The following RRP1B variants were observed in gnomAD, a reference collection of about 807,000 sequenced individuals.
RRP1B encodes ribosomal RNA processing 1B.
In RRP1B, 56 loss-of-function variants were observed where a neutral mutation model predicts 80.2. That is an observed-to-expected ratio of 0.70 (90% CI 0.56 to 0.87). The LOEUF (loss-of-function observed/expected upper bound fraction) is 0.87, where lower values mean the gene tolerates loss of function less well. Among genes scored for constraint, RRP1B ranks in the 40% least tolerant of loss-of-function variants. The pLI is 0.00. For synonymous variants in RRP1B, 351 were observed against 357.6 expected (o/e 0.98, Z 0.21); for missense variants, 807 against 939.8 (o/e 0.86, Z 1.85).
In RRP1B at chr21:43,693,336, C is replaced by T; in HGVS notation, c.2230C>T (p.Leu744=). Residue 744 remains leucine, a synonymous_variant, in exon 16 of 16, where the codon CTG becomes TTG. Coordinates refer to ENST00000340648, the MANE Select transcript of RRP1B (RefSeq NM_015056.3). This position sits in a 1 kb window ranked among gnomAD's most constrained non-coding sequence, Gnocchi z 4.1. ...ASSPLVAKKP[L]TTTPRRRPRA... is the part of the protein sequence containing the mutation. ...CTCACCCCTGGTGGCCAAGAAGCCC[C>T]TGACCACCACACCAAGGAGAAGGCC... 3 of 1,608,996 alleles carry T rather than the reference C, an allele frequency of 1.9e-6. No homozygotes were observed. Among genetic ancestry groups the T allele is most frequent in the Non-Finnish European group, 2.5e-6 (3 of 1,177,488 alleles).
rs746579314 is a variant in RRP1B, at chr21:43,676,714, G to A, written c.615-19G>A. On this transcript the variant is annotated intron_variant, in intron 7 of 15. Transcript: ENST00000340648. ...CGTTTGTTCTCATCACATGCTCTCCGCTGTGCTTCTACCCTCAGCCACACC... is the reference window on the plus strand; with the variant it reads ...CGTTTGTTCTCATCACATGCTCTCCACTGTGCTTCTACCCTCAGCCACACC... 9.3e-6 allele frequency: 15 copies of A among 1,609,652 alleles called. No homozygotes were observed. The highest frequency in any genetic ancestry group is 1.8e-4 in the Middle Eastern group (1 of 5,430).
At position 43,693,107 on chromosome 21, in the gene RRP1B, A is replaced by C. The variant is rs1282083690; in HGVS notation, c.2084-83A>C. 3 of 1,462,036 alleles carry C rather than the reference A, an allele frequency of 2.1e-6. No individual in the cohort carries two copies. In the African/African-American group the frequency reaches 4.2e-5, roughly 21 times the overall value. The allele number at this position is 1,462,036 out of a possible 1,614,324, so 90.6% of individuals were successfully genotyped here. On this transcript the variant is annotated intron_variant, in intron 15 of 15. Coordinates refer to ENST00000340648, the MANE Select transcript of RRP1B (RefSeq NM_015056.3). This position sits in a 1 kb window ranked among gnomAD's most constrained non-coding sequence, Gnocchi z 4.1. The stretch of plus-strand genomic sequence containing the variant: ...GTCCTAGCAAGTGGGTGGGGTCGGC[A>C]CCCAGGCAGGACGCTGTCTAAGGTG...
intron 3 of RRP1B, 131 bp downstream of exon 3, chr21:43,672,496 G>C (rs573562193): frequency 2.6e-6 from 2 of 765,546 alleles, no homozygotes; most frequent in South Asian, 3.3e-5. Flanking sequence ...GATAAACTTA[G>C]TCATTGACTT....
intron 4 of RRP1B, among the ~76,000 whole-genome samples, chr21:43,674,263 T>C (rs1267545729): frequency 6.6e-6 from 1 of 152,186 alleles, no homozygotes; most frequent in African/African-American, 2.4e-5. Context: ...TTCAAGTGAT[T>C]CTCATGCCTC....
Position 43,688,074 on chromosome 21 carries a change from G to C in RRP1B, c.1700G>C (p.Arg567Pro). Residue 567 changes from arginine to proline, a missense_variant, in exon 13 of 16, where the codon CGC becomes CCC. By Grantham distance (103) the Arg-to-Pro change is moderately radical. Transcript: ENST00000340648. ...GANSHTTLPQRRRLQKKKAGP... is the reference protein window; with the variant it reads ...GANSHTTLPQPRRLQKKKAGP... ...AACAGCCACACCACGCTGCCCCAGC[G>C]CAGGAGGCTGCAGAAAAAGAAGGCA... 6.2e-7 allele frequency: 1 copy of C among 1,611,450 alleles called. No homozygotes were observed. Among genetic ancestry groups the C allele is most frequent in the Non-Finnish European group, 8.5e-7 (1 of 1,179,232 alleles).
At position 43,669,361 on chromosome 21, in the gene RRP1B, C is replaced by T. The variant is rs548506984; in HGVS notation, c.131-523C>T. On this transcript the variant is annotated intron_variant, in intron 1 of 15. Coordinates refer to ENST00000340648, the MANE Select transcript of RRP1B (RefSeq NM_015056.3). ...CCAAAGCAGCGTCAGTGTCCCCAGGCCCTTTCCTAGGCCTTTGACTTTCAG... is the reference window on the plus strand; with the variant it reads ...CCAAAGCAGCGTCAGTGTCCCCAGGTCCTTTCCTAGGCCTTTGACTTTCAG... Among the ~76,000 whole-genome samples, 7 of 152,296 alleles carry T rather than the reference C, an allele frequency of 4.6e-5. No individual in the cohort carries two copies. The East Asian group carries it at 1.3e-3, about 29-fold the overall frequency.
At chr21:43,667,778 G>C (rs2082984193) in intron 1 of RRP1B, among the ~76,000 whole-genome samples, 1 of 152,182 alleles carries the variant, frequency 6.6e-6, no homozygotes, top group Non-Finnish European at 1.5e-5. Context: ...CCCCAGGCAT[G>C]ACTTGTTCAT....
Position 43,691,334 on chromosome 21 carries a change from G to A in RRP1B, c.2020-105G>A. 4 of 1,000,442 alleles carry A rather than the reference G, an allele frequency of 4.0e-6. No homozygotes were observed. In the South Asian group the frequency reaches 5.4e-5, roughly 14 times the overall value. The allele number at this position is 1,000,442 out of a possible 1,614,324, so 62.0% of individuals were successfully genotyped here. On this transcript the variant is annotated intron_variant, in intron 14 of 15. Transcript: ENST00000340648. The surrounding 1 kb of genome is among the most constrained non-coding windows in gnomAD (Gnocchi z 4.2). Reference sequence around the variant, plus strand: ...TATATGTGCCACTCAGTAAGCAGCAGTGTGGGCGGCATACCCTCCAGGGCA... The same window carrying A: ...TATATGTGCCACTCAGTAAGCAGCAATGTGGGCGGCATACCCTCCAGGGCA...
At chr21:43,690,033 T>C (rs2083080095) in intron 13 of RRP1B, among the ~76,000 whole-genome samples, 1 of 152,268 alleles carries the variant, frequency 6.6e-6, no homozygotes, top group South Asian at 2.1e-4. Flanking sequence ...AAGATGAAGA[T>C]AAAAGTGGGT....
intron 5 of RRP1B, 97 bp from the exon 6 acceptor site, chr21:43,674,937 G>A: frequency 1.4e-6 from 2 of 1,471,844 alleles, no homozygotes; most frequent in East Asian, 2.3e-5. Flanking sequence ...TGATTGTTAG[G>A]CTGTGTAGGT....
Position 43,693,114 on chromosome 21 carries a change from C to T in RRP1B, c.2084-76C>T, listed in dbSNP as rs1018688927. 6.0e-6 allele frequency: 9 copies of T among 1,504,016 alleles called. No individual in the cohort carries two copies. The African/African-American group carries it at 9.7e-5, about 16-fold the overall frequency. The allele number at this position is 1,504,016 out of a possible 1,614,324, so 93.2% of individuals were successfully genotyped here. On this transcript the variant is annotated intron_variant, in intron 15 of 15. Transcript: ENST00000340648. This position sits in a 1 kb window ranked among gnomAD's most constrained non-coding sequence, Gnocchi z 4.1. ...CAAGTGGGTGGGGTCGGCACCCAGGCAGGACGCTGTCTAAGGTGTTGAAGG... is the reference window on the plus strand; with the variant it reads ...CAAGTGGGTGGGGTCGGCACCCAGGTAGGACGCTGTCTAAGGTGTTGAAGG...
rs1403840896 is a variant in RRP1B at position 43,675,120 on chromosome 21, T to C, written c.506T>C (p.Ile169Thr). The C allele has an allele frequency of 1.2e-6, 2 of 1,614,112 alleles. No homozygotes were observed. The highest frequency in any genetic ancestry group is 1.7e-5 in the Admixed American group (1 of 60,020). ...QSPNGVRFHF[I>T]DIYLDELSKV... ...CCTAATGGAGTGAGATTCCACTTCA[T>C]TGATATTTACCTGGATGAACTCTCC... Residue 169 changes from isoleucine (I) to threonine (T), a missense_variant, in exon 6 of 16, where the codon ATT becomes ACT. Coordinates refer to ENST00000340648, the MANE Select transcript of RRP1B (RefSeq NM_015056.3).
At position 43,688,290 on chromosome 21, in the gene RRP1B, C is replaced by T. The variant is rs755294891; in HGVS notation, c.1866+50C>T. The T allele has an allele frequency of 1.8e-5, 27 of 1,475,472 alleles. No individual in the cohort carries two copies. The South Asian group carries it at 3.2e-4, about 17-fold the overall frequency. 91.4% of individuals were successfully genotyped at this position (1,475,472 alleles called of 1,614,324 possible). A position where few individuals can be genotyped will look rare whatever the true frequency, so the allele number is the denominator to read the frequency against. On this transcript the variant is annotated intron_variant, in intron 13 of 15. Transcript: ENST00000340648. Reference sequence around the variant, plus strand: ...AGCTCGCCACAGAGGCACTCACTCGCGTCCATGGGGCTCCACTGCCTCCTG... The same window carrying T: ...AGCTCGCCACAGAGGCACTCACTCGTGTCCATGGGGCTCCACTGCCTCCTG...
chr21:43,659,782 CAG>C lies in RRP1B; in HGVS notation c.121_122del (p.Arg41GlyfsTer26). 1 of 1,510,096 alleles carries C rather than the reference CAG, an allele frequency of 6.6e-7. No individual in the cohort carries two copies. 93.5% of individuals were successfully genotyped at this position (1,510,096 alleles called of 1,614,324 possible). ...GCGCCAGTACATCAGCGTGAAGACGCAGAGGGAGACAGGTGGGCGCACGGCCG... is the reference window on the plus strand; with the variant it reads ...GCGCCAGTACATCAGCGTGAAGACGCAGGGAGACAGGTGGGCGCACGGCCG... ...KLRQYISVKT[Q>X]RETGGFSQEE... On this transcript the variant is annotated frameshift_variant, in exon 1 of 16. Coordinates refer to ENST00000340648, the MANE Select transcript of RRP1B (RefSeq NM_015056.3). LOFTEE classifies it high-confidence loss of function. This position sits in a 1 kb window ranked among gnomAD's most constrained non-coding sequence, Gnocchi z 4.2.
chr21:43,659,634 T>G lies in RRP1B; in HGVS notation c.-31T>G, dbSNP rs1176970665. ...CGGCTGGCTGCAGCGGCACCGCGGGTTGCGCGGCCGGGGATGCTCCAGCGG... is the reference window on the plus strand; with the variant it reads ...CGGCTGGCTGCAGCGGCACCGCGGGGTGCGCGGCCGGGGATGCTCCAGCGG... On this transcript the variant is annotated 5_prime_UTR_variant, in exon 1 of 16. Coordinates refer to ENST00000340648, the MANE Select transcript of RRP1B (RefSeq NM_015056.3). This position sits in a 1 kb window ranked among gnomAD's most constrained non-coding sequence, Gnocchi z 4.2. 1 of 1,446,038 alleles carries G rather than the reference T, an allele frequency of 6.9e-7. No individual in the cohort carries two copies. The highest frequency in any genetic ancestry group is 9.1e-7 in the Non-Finnish European group (1 of 1,097,340). The allele number at this position is 1,446,038 out of a possible 1,614,324, so 89.6% of individuals were successfully genotyped here.
intron 1 of RRP1B, among the ~76,000 whole-genome samples, chr21:43,664,204 C>T (rs1031204340): frequency 6.6e-6 from 1 of 151,828 alleles, no homozygotes; most frequent in Non-Finnish European, 1.5e-5. Context: ...TTTGGGAAGC[C>T]GAGGCGGGTG....
intron 1 of RRP1B, among the ~76,000 whole-genome samples, chr21:43,665,031 C>T (rs976194605): frequency 1.3e-5 from 2 of 152,208 alleles, no homozygotes; most frequent in African/African-American, 4.8e-5. Context: ...CACTTTGCTG[C>T]CCACTGTCCA....
At chr21:43,660,498 G>T (rs960103568) in intron 1 of RRP1B, among the ~76,000 whole-genome samples, 3 of 152,172 alleles carry the variant, frequency 2.0e-5, no homozygotes, top group Non-Finnish European at 4.4e-5. Context: ...GGAGGCGGAG[G>T]TTGCGGTGAG....
At chr21:43,670,760 G>A (rs534646240) in intron 2 of RRP1B, among the ~76,000 whole-genome samples, 2 of 152,198 alleles carry the variant, frequency 1.3e-5, no homozygotes, top group Admixed American at 6.6e-5. Context: ...TGTGACCCAG[G>A]GAAGGCAAAA....
Sources: gnomAD v4.1 joint callset for allele counts (sites outside exome capture counted in the v4.1 genomes callset) on GRCh38, gnomAD v4.1.1 for gene constraint, Gnocchi (gnomAD v3.1) non-coding constraint, MANE v1.5 for transcripts, NCBI Gene and HGNC (gene_info 2026-07-23, HGNC 2026-07-21) for gene names.